The following TNS3 variants were observed in gnomAD, a reference collection of about 807,000 sequenced individuals.
The protein encoded by TNS3 is tensin-3.
Under a neutral mutation model 140.9 loss-of-function variants are expected in TNS3, and 45 were observed. The ratio of observed to expected loss-of-function variants is 0.32; its 90% CI spans 0.25 to 0.41. TNS3 has a LOEUF of 0.41. TNS3 is among the 10% of genes least tolerant of loss of function. The pLI is 1.00. For synonymous variants in TNS3, 815 were observed against 788.4 expected (o/e 1.03, Z -0.56); for missense variants, 1,716 against 1,906.7 (o/e 0.90, Z 1.86).
intron 1 of TNS3, chr7:47,538,970 G>T: frequency 2.2e-6 from 1 of 455,314 alleles, no homozygotes; most frequent in Non-Finnish European, 4.4e-6. Flanking sequence ...ACAATACCAG[G>T]TACATAGCAG....
At chr7:47,531,174 G>GGAGGAAAT (rs746291754) in intron 1 of TNS3, among the ~76,000 whole-genome samples, 3 of 151,720 alleles carry the variant, frequency 2.0e-5, no homozygotes, top group Non-Finnish European at 4.4e-5. Flanking sequence ...ATTACCTGGA[G>GGAGGAAAT]GAGGAAATAA....
chr7:47,449,897 C>T (rs1425785801), intron 4 of TNS3, among the ~76,000 whole-genome samples: 1 of 152,228 alleles, frequency 6.6e-6, no homozygotes, highest in Non-Finnish European at 1.5e-5. Context: ...TGAGCCACCA[C>T]GCCCAGCCCT....
At position 47,346,218 on chromosome 7, in the gene TNS3, G is replaced by A. The variant is rs562816834; in HGVS notation, c.2420C>T (p.Pro807Leu). 64 of 1,614,194 alleles carry A rather than the reference G, an allele frequency of 4.0e-5. No individual in the cohort carries two copies. The Middle Eastern group carries it at 8.2e-4, about 21-fold the overall frequency. ...KAGVDYAPNL[P>L]PFPSPADVKE... ...GACGTCCGCTGGTGAGGGGAATGGC[G>A]GCAGGTTTGGGGCATAGTCCACACC... Residue 807 changes from proline (P) to leucine (L), a missense_variant, in exon 18 of 31, where the codon CCG becomes CTG. Around this residue, in one of 3 missense-constraint regions of TNS3, gnomAD observed 1,163 missense variants for 1,182.1 expected, o/e 0.98. Transcript: ENST00000311160.
At chr7:47,516,924 G>A (rs79619514) in intron 2 of TNS3, among the ~76,000 whole-genome samples, 23,707 of 152,088 alleles carry the variant, frequency 0.16, 2,254 homozygotes, top group East Asian at 0.31. Context: ...TTAGCCAGGC[G>A]TGGTGGTGGG....
chr7:47,375,226 A>G (rs1562655310), intron 16 of TNS3, among the ~76,000 whole-genome samples: 1 of 152,156 alleles, frequency 6.6e-6, no homozygotes, highest in South Asian at 2.1e-4. Context: ...ACCTTTCCAC[A>G]TCTCAGTCCA....
intron 9 of TNS3, 94 bp from the exon 10 acceptor site, chr7:47,424,278 G>C: frequency 8.1e-7 from 1 of 1,240,784 alleles, no homozygotes; most frequent in Non-Finnish European, 1.1e-6. Context: ...TGTTCAAAGC[G>C]ACCAGCTCCC....
Position 47,567,299 on chromosome 7 carries a change from C to T in TNS3, c.-265+14752G>A, listed in dbSNP as rs369447258. ...CAAAACTTTGCAAACTCACAGGATACAAGGTAAACATACAAAAGTCAATTG... is the reference window on the plus strand; with the variant it reads ...CAAAACTTTGCAAACTCACAGGATATAAGGTAAACATACAAAAGTCAATTG... On this transcript the variant is annotated intron_variant, in intron 1 of 30. Coordinates refer to ENST00000311160, the MANE Select transcript of TNS3 (RefSeq NM_022748.12). Among the ~76,000 whole-genome samples the T allele has an allele frequency of 7.9e-5, 12 of 152,196 alleles. No homozygotes were observed. In the East Asian group the frequency reaches 1.2e-3, roughly 15 times the overall value.
At chr7:47,336,824 G>A (rs925692267) in intron 20 of TNS3, among the ~76,000 whole-genome samples, 9 of 152,176 alleles carry the variant, frequency 5.9e-5, no homozygotes, top group Middle Eastern at 3.4e-3. Context: ...AGAAGCGTGC[G>A]GGCTGCATTT....
rs764145645 is a variant in TNS3, at chr7:47,369,229, G to C, written c.1417C>G (p.Arg473Gly). The change falls in exon 17 of 31, where the codon CGG (arginine) becomes GGG (glycine). Residue 473 changes from arginine to glycine, a missense_variant. Around this residue, in one of 3 missense-constraint regions of TNS3, gnomAD observed 1,163 missense variants for 1,182.1 expected, o/e 0.98. Transcript: ENST00000311160. ...HVNGDAALKD[R>G]ETDILDDEMP... Reference sequence around the variant, plus strand: ...TCGTCATCCAGAATGTCTGTCTCCCGATCCTTCAGAGCAGCGTCTCCATTC... The same window carrying C: ...TCGTCATCCAGAATGTCTGTCTCCCCATCCTTCAGAGCAGCGTCTCCATTC... The C allele has an allele frequency of 2.4e-5, 39 of 1,614,066 alleles. No homozygotes were observed. Among genetic ancestry groups the C allele is most frequent in the Admixed American group, 5.0e-5 (3 of 60,008 alleles).
intron 1 of TNS3, among the ~76,000 whole-genome samples, chr7:47,560,224 G>A (rs927515453): frequency 9.2e-5 from 14 of 151,972 alleles, no homozygotes; most frequent in African/African-American, 3.1e-4. Context: ...CTCAGGATGG[G>A]CTTAGGGCCT....
chr7:47,280,642 A>C (rs1164987425), intron 28 of TNS3, among the ~76,000 whole-genome samples: 1 of 152,164 alleles, frequency 6.6e-6, no homozygotes, highest in East Asian at 1.9e-4. Flanking sequence ...AGCCGGGTGC[A>C]GTGGCTCACG....
At position 47,483,262 on chromosome 7, in the gene TNS3, C is replaced by T. The variant is rs192369634; in HGVS notation, c.-114-2121G>A. Among the ~76,000 whole-genome samples, 1,130 of 151,952 alleles carry T rather than the reference C, an allele frequency of 7.4e-3. 11 individuals carry two copies. Among genetic ancestry groups the T allele is most frequent in the African/African-American group, 0.026 (1,064 of 41,428 alleles). On this transcript the variant is annotated intron_variant, in intron 3 of 30. Coordinates refer to ENST00000311160, the MANE Select transcript of TNS3 (RefSeq NM_022748.12). Reference sequence around the variant, plus strand: ...TTGGCTCACTGCAAGCTCCGCCTCCCGGGTTCACGCCATTCTCCTGCCTCA... The same window carrying T: ...TTGGCTCACTGCAAGCTCCGCCTCCTGGGTTCACGCCATTCTCCTGCCTCA...
At chr7:47,536,742 G>A (rs557925573) in intron 1 of TNS3, among the ~76,000 whole-genome samples, 61 of 152,234 alleles carry the variant, frequency 4.0e-4, no homozygotes, top group African/African-American at 1.1e-3. Flanking sequence ...CACACACAAG[G>A]GTACACACGC....
At chr7:47,486,009 TGGA>T (rs1362377375) in intron 3 of TNS3, among the ~76,000 whole-genome samples, 1 of 151,414 alleles carries the variant, frequency 6.6e-6, no homozygotes. Flanking sequence ...TGTGGGTGTG[TGGA>T]GGTGAGTGTG....
intron 16 of TNS3, among the ~76,000 whole-genome samples, chr7:47,389,795 G>C (rs998409097): frequency 6.6e-6 from 1 of 152,232 alleles, no homozygotes; most frequent in Admixed American, 6.5e-5. Flanking sequence ...GGGTCCTTTG[G>C]TGTTTGTGGG....
intron 10 of TNS3, among the ~76,000 whole-genome samples, chr7:47,418,057 G>C (rs1401419825): frequency 6.6e-6 from 1 of 152,212 alleles, no homozygotes; most frequent in Non-Finnish European, 1.5e-5. Flanking sequence ...GGGAGGCTGA[G>C]GTGGGAGGAT....
At chr7:47,459,146 T>G (rs1382279623) in intron 4 of TNS3, among the ~76,000 whole-genome samples, 1 of 152,234 alleles carries the variant, frequency 6.6e-6, no homozygotes, top group East Asian at 1.9e-4. Flanking sequence ...TTTTTTGGTC[T>G]CAAATTTCCC....
chr7:47,544,318 C>T (rs144653889), intron 1 of TNS3, among the ~76,000 whole-genome samples: 404 of 152,240 alleles, frequency 2.7e-3, no homozygotes, highest in African/African-American at 9.4e-3. Flanking sequence ...CTCACAAGCA[C>T]GGAGCACACC....
At chr7:47,558,206 A>C (rs1435180211) in intron 1 of TNS3, among the ~76,000 whole-genome samples, 1 of 152,160 alleles carries the variant, frequency 6.6e-6, no homozygotes, top group East Asian at 1.9e-4. Flanking sequence ...ACATAAAAGG[A>C]AACAGGGTAT....
Sources: allele counts gnomAD v4.1 joint callset (sites outside exome capture counted in the v4.1 genomes callset), GRCh38; gene constraint gnomAD v4.1.1; regional missense constraint gnomAD v4.1.1; transcripts MANE v1.5; gene names NCBI Gene and HGNC (gene_info 2026-07-23, HGNC 2026-07-21).